Variants in CEP128 observed in about 807,000 individuals in gnomAD.
CEP128 encodes centrosomal protein 128, also known as centrosomal protein 128kDa.
Under a neutral mutation model 156.7 loss-of-function variants are expected in CEP128, and 132 were observed. The ratio of observed to expected loss-of-function variants is 0.84; its 90% CI spans 0.73 to 0.97. The LOEUF is 0.97. Among genes scored for constraint, CEP128 ranks in the 50% least tolerant of loss-of-function variants. The pLI is 0.00. For synonymous variants in CEP128, 469 were observed against 448.9 expected (o/e 1.04, Z -0.57); for missense variants, 1,252 against 1,281.9 (o/e 0.98, Z 0.36).
chr14:80,542,887 C>T (rs1889827452), intron 21 of CEP128, among the ~76,000 whole-genome samples: 1 of 152,116 alleles, frequency 6.6e-6, no homozygotes, highest in Non-Finnish European at 1.5e-5. Context: ...TTAAAAGCGC[C>T]TTGGTGAGGT....
Position 80,862,872 on chromosome 14 carries a change from A to G in CEP128, c.647T>C (p.Val216Ala), listed in dbSNP as rs752159735. The G allele has an allele frequency of 6.2e-7, 1 of 1,607,650 alleles. No homozygotes were observed. The highest frequency in any genetic ancestry group is 1.1e-5 in the South Asian group (1 of 90,906). ...KLNEAQKQEV[V>A]SDRVERRLQE... is the part of the protein sequence containing the mutation. ...AAGCCGCCGCTCCACCCGATCTGAA[A>G]CCTTAATAAGAATTCAGAGAAACAG... Residue 216 changes from valine to alanine, a missense_variant and splice_region_variant, in exon 9 of 25, where the codon GTT becomes GCT. Physicochemically the swap from Val to Ala is moderately conservative, Grantham distance 64. Coordinates refer to ENST00000555265, the MANE Select transcript of CEP128 (RefSeq NM_152446.5).
At chr14:80,937,505 G>T (rs1276334793) in intron 2 of CEP128, among the ~76,000 whole-genome samples, 3 of 151,988 alleles carry the variant, frequency 2.0e-5, no homozygotes, top group African/African-American at 7.3e-5. Context: ...ATTCACTCCA[G>T]CCTGGGCAAC....
At chr14:80,814,522 T>G (rs888293665) in intron 13 of CEP128, among the ~76,000 whole-genome samples, 9 of 152,068 alleles carry the variant, frequency 5.9e-5, no homozygotes, top group African/African-American at 2.2e-4. Context: ...AAAAATAATG[T>G]ATTGTATCTG....
chr14:80,590,719 A>ATGTT (rs766548973), intron 19 of CEP128, among the ~76,000 whole-genome samples: 21 of 152,060 alleles, frequency 1.4e-4, no homozygotes, highest in Non-Finnish European at 2.5e-4. Flanking sequence ...TTTCTAGACT[A>ATGTT]TGTTTGATGG....
In CEP128 at chr14:80,919,328, A is replaced by T. The variant is rs190924301; in HGVS notation, c.-15-2766T>A. On this transcript the variant is annotated intron_variant, in intron 2 of 24. Transcript: ENST00000555265. ...TAACTGAAATTTGGGGATGATATTTAAGATACAAAATAGTACAGACTAATA... is the reference window on the plus strand; with the variant it reads ...TAACTGAAATTTGGGGATGATATTTTAGATACAAAATAGTACAGACTAATA... Among the ~76,000 whole-genome samples, 629 of 152,346 alleles carry T rather than the reference A, an allele frequency of 4.1e-3. 9 individuals are homozygous for T. The highest frequency in any genetic ancestry group is 0.015 in the African/African-American group (605 of 41,576).
intron 13 of CEP128, among the ~76,000 whole-genome samples, chr14:80,822,201 C>T (rs1228485127): frequency 6.6e-6 from 1 of 152,164 alleles, no homozygotes; most frequent in Non-Finnish European, 1.5e-5. Flanking sequence ...CAACAGTCCA[C>T]TCAAAAGTCC....
At chr14:80,888,002 T>A (rs977659679) in intron 8 of CEP128, among the ~76,000 whole-genome samples, 1 of 152,090 alleles carries the variant, frequency 6.6e-6, no homozygotes, top group Non-Finnish European at 1.5e-5. Context: ...TATAAATACC[T>A]CTATGTAAAT....
rs372341494 is a variant in CEP128 at position 80,646,994 on chromosome 14, A to AATATATATAT, written c.2807-66581_2807-66572dup. ...CCAAAAGGTGCTTTTATTTATAAGA[A>AATATATATAT]ATATATATATATATATATGTGTGTG... is the stretch of plus-strand genomic sequence containing the variant. On this transcript the variant is annotated intron_variant, in intron 19 of 24. Coordinates refer to ENST00000555265, the MANE Select transcript of CEP128 (RefSeq NM_152446.5). Among the ~76,000 whole-genome samples the AATATATATAT allele has an allele frequency of 3.5e-3, 267 of 76,586 alleles. 8 individuals carry two copies. Among genetic ancestry groups the AATATATATAT allele is most frequent in the African/African-American group, 9.3e-3 (256 of 27,502 alleles). The allele number at this position is 76,586 out of a possible 152,430, so 50.2% of individuals were successfully genotyped here. A position where few individuals can be genotyped will look rare whatever the true frequency, so the allele number is the denominator to read the frequency against.
chr14:80,765,845 A>G (rs1900210670), intron 16 of CEP128, among the ~76,000 whole-genome samples: 1 of 152,184 alleles, frequency 6.6e-6, no homozygotes, highest in Non-Finnish European at 1.5e-5. Context: ...ATACAACCCC[A>G]TAACCTGATC....
chr14:80,800,053 C>T (rs1359429220), intron 13 of CEP128, among the ~76,000 whole-genome samples: 1 of 149,230 alleles, frequency 6.7e-6, no homozygotes, highest in African/African-American at 2.4e-5. Context: ...CCCTGTTTTA[C>T]ACCCCCTCCC....
chr14:80,708,762 A>G (rs983604616), intron 19 of CEP128, among the ~76,000 whole-genome samples: 2 of 152,214 alleles, frequency 1.3e-5, no homozygotes, highest in East Asian at 1.9e-4. Flanking sequence ...TGCTTCCTAT[A>G]GTATTTGAAT....
Position 80,505,435 on chromosome 14 carries a change from T to C in CEP128, c.3073-415A>G, listed in dbSNP as rs192164587. Among the ~76,000 whole-genome samples the C allele has an allele frequency of 8.4e-3, 1,286 of 152,354 alleles. 3 individuals carry two copies. Among genetic ancestry groups the C allele is most frequent in the Non-Finnish European group, 0.014 (941 of 68,022 alleles). ...TTTAGGTGGCTTCCCAATGTTTTAC[T>C]CATATACATAACACTGTGAGAAATA... is the stretch of plus-strand genomic sequence containing the variant. On this transcript the variant is annotated intron_variant, in intron 23 of 24. Coordinates refer to ENST00000555265, the MANE Select transcript of CEP128 (RefSeq NM_152446.5).
intron 9 of CEP128, among the ~76,000 whole-genome samples, chr14:80,862,375 T>C (rs776024688): frequency 6.6e-6 from 1 of 152,254 alleles, no homozygotes; most frequent in Non-Finnish European, 1.5e-5. Flanking sequence ...GTCTAGTCTA[T>C]GCCCAGAAAA....
upstream of CEP128, among the ~76,000 whole-genome samples, chr14:80,943,406 A>G (rs1264583817): frequency 6.6e-6 from 1 of 152,244 alleles, no homozygotes; most frequent in Non-Finnish European, 1.5e-5. Flanking sequence ...AATGTCTACC[A>G]AAAGAGCTAA....
intron 4 of CEP128, among the ~76,000 whole-genome samples, chr14:80,909,589 T>C (rs960088894): frequency 2.0e-5 from 3 of 152,138 alleles, no homozygotes; most frequent in Non-Finnish European, 2.9e-5. Context: ...AAAAATAAAA[T>C]TACGTTATGT....
chr14:80,902,891 C>A (rs927550497), intron 6 of CEP128, among the ~76,000 whole-genome samples: 4 of 152,120 alleles, frequency 2.6e-5, no homozygotes, highest in African/African-American at 9.7e-5. Context: ...CAAAACACGT[C>A]CAATTAAACT....
At chr14:80,737,535 T>C (rs1227282223) in intron 19 of CEP128, among the ~76,000 whole-genome samples, 1 of 141,576 alleles carries the variant, frequency 7.1e-6, no homozygotes, top group East Asian at 2.1e-4. Context: ...ATTTTAATTA[T>C]CTCTAATGAT....
rs1306088061 is a variant in CEP128, at chr14:80,873,972, G to C, written c.646-11099C>G. On this transcript the variant is annotated intron_variant, in intron 8 of 24. Transcript: ENST00000555265. Reference sequence around the variant, plus strand: ...CTCCTCCTTGCCTTTCGTCATGATTGTGAGGCCTCCCCAGCCATGTGGAAC... The same window carrying C: ...CTCCTCCTTGCCTTTCGTCATGATTCTGAGGCCTCCCCAGCCATGTGGAAC... Among the ~76,000 whole-genome samples the C allele has an allele frequency of 3.9e-5, 6 of 152,178 alleles. No individual in the cohort carries two copies. The East Asian group carries it at 1.2e-3, about 29-fold the overall frequency.
At chr14:80,657,386 T>G (rs906563044) in intron 19 of CEP128, among the ~76,000 whole-genome samples, 1 of 152,100 alleles carries the variant, frequency 6.6e-6, no homozygotes, top group Non-Finnish European at 1.5e-5. Flanking sequence ...GCACGGTGGC[T>G]CACGCTTGTA....
Sources: allele counts gnomAD v4.1 joint callset (sites outside exome capture counted in the v4.1 genomes callset), GRCh38; gene constraint gnomAD v4.1.1; transcripts MANE v1.5; gene names NCBI Gene and HGNC (gene_info 2026-07-23, HGNC 2026-07-21).